Variants in EXOC2 observed in about 807,000 individuals in gnomAD.
EXOC2 encodes the protein SEC5-like 1.
Under a neutral mutation model 131.8 loss-of-function variants are expected in EXOC2, and 70 were observed. The observed-to-expected ratio is 0.53, with a 90% CI of 0.44 to 0.65. The LOEUF is 0.65. Among genes scored for constraint, EXOC2 ranks in the 30% least tolerant of loss-of-function variants. The probability of loss-of-function intolerance (pLI) is 0.00; values close to 1 mark genes in which losing one functional copy is unlikely to be tolerated. For missense variants in EXOC2, 923 were observed against 1,108.6 expected, an observed-to-expected ratio of 0.83 and a Z score of 2.38; for synonymous variants, 411 against 398.4, an observed-to-expected ratio of 1.03 and a Z score of -0.38.
intron 1 of EXOC2, among the ~76,000 whole-genome samples, chr6:671,176 G>A (rs1763846431): frequency 6.6e-6 from 1 of 151,598 alleles, no homozygotes; most frequent in African/African-American, 2.4e-5. Context: ...GGCCAACATG[G>A]CAAAATCCCG....
In EXOC2 at chr6:555,955, T is replaced by C; in HGVS notation, c.1991A>G (p.Gln664Arg). Residue 664 changes from glutamine to arginine, a missense_variant and splice_region_variant, in exon 19 of 28, where the codon CAG becomes CGG. Transcript: ENST00000230449. ...EVCQLSINIM[Q>R]VFIYCLEQLS... ...AGCATTACTGCTTTCTATTATTACC[T>C]GCATTATATTGATGCTTAGCTGGCA... The C allele has an allele frequency of 6.2e-7, 1 of 1,613,874 alleles. No homozygotes were observed.
At chr6:684,533 TATAG>T (rs1764555707) in intron 1 of EXOC2, among the ~76,000 whole-genome samples, 1 of 152,352 alleles carries the variant, frequency 6.6e-6, no homozygotes, top group East Asian at 1.9e-4. Context: ...ACATTTTCCT[TATAG>T]ATATACTATA....
rs550410847 is a variant in EXOC2, at chr6:500,558, T to G, written c.2381-858A>C. On this transcript the variant is annotated intron_variant, in intron 23 of 27. Coordinates refer to ENST00000230449, the MANE Select transcript of EXOC2 (RefSeq NM_018303.6). ...GGGCTGCAGTGAGGATGAAGGGGGA[T>G]GCATGCCATAGGTCCTGGCATTCAC... Among the ~76,000 whole-genome samples the G allele has an allele frequency of 2.0e-5, 3 of 152,326 alleles. No homozygotes were observed. The South Asian group carries it at 6.2e-4, about 32-fold the overall frequency.
chr6:588,029 G>A (rs549069381), intron 11 of EXOC2, among the ~76,000 whole-genome samples: 1 of 152,136 alleles, frequency 6.6e-6, no homozygotes, highest in Non-Finnish European at 1.5e-5. Flanking sequence ...GCTATGAGTT[G>A]GTAACTGCTG....
At chr6:645,072 T>A (rs1380463095) in intron 1 of EXOC2, among the ~76,000 whole-genome samples, 1 of 152,160 alleles carries the variant, frequency 6.6e-6, no homozygotes, top group African/African-American at 2.4e-5. Flanking sequence ...ATTACAAATC[T>A]ACAGTAATCA....
intron 1 of EXOC2, among the ~76,000 whole-genome samples, chr6:645,203 T>C (rs1036267012): frequency 6.7e-6 from 1 of 149,540 alleles, no homozygotes; most frequent in Non-Finnish European, 1.5e-5. Flanking sequence ...ATGGGAAAAA[T>C]ATTTTAATGG....
rs1352058417 is a variant in EXOC2 at position 485,413 on chromosome 6, G to GGCTA, written c.*1254_*1257dup. On this transcript the variant is annotated 3_prime_UTR_variant, in exon 28 of 28. Coordinates refer to ENST00000230449, the MANE Select transcript of EXOC2 (RefSeq NM_018303.6). The stretch of plus-strand genomic sequence containing the variant: ...ATTTTAAATAATGGAAACTGTACAT[G>GGCTA]GCTACACTGTGCTCTAAAATTACTT... The GGCTA allele has an allele frequency of 6.6e-6, 1 of 152,088 alleles. No homozygotes were observed. Among genetic ancestry groups the GGCTA allele is most frequent in the Non-Finnish European group, 1.5e-5 (1 of 68,026 alleles). 9.4% of individuals were successfully genotyped at this position (152,088 alleles called of 1,614,324 possible). A position where few individuals can be genotyped will look rare whatever the true frequency, so the allele number is the denominator to read the frequency against.
chr6:563,115 G>C (rs532363960), intron 16 of EXOC2, among the ~76,000 whole-genome samples: 1 of 152,324 alleles, frequency 6.6e-6, no homozygotes, highest in Admixed American at 6.5e-5. Context: ...ATGACAACTT[G>C]AGACAATCAT....
At position 621,722 on chromosome 6, in the gene EXOC2, G is replaced by A. The variant is rs1050421564; in HGVS notation, c.423-2179C>T. Among the ~76,000 whole-genome samples, 4 of 152,110 alleles carry A rather than the reference G, an allele frequency of 2.6e-5. No homozygotes were observed. The South Asian group carries it at 6.2e-4, about 24-fold the overall frequency. ...AAAGATTTATAGTCTGAATCCTCCC[G>A]ATACATGCATGTGGCATTCATTACT... On this transcript the variant is annotated intron_variant, in intron 4 of 27. Transcript: ENST00000230449.
intron 1 of EXOC2, among the ~76,000 whole-genome samples, chr6:678,353 A>C (rs1764247826): frequency 2.6e-5 from 4 of 152,224 alleles, no homozygotes; most frequent in Admixed American, 6.5e-5. Flanking sequence ...TCCTGTAAGG[A>C]TTAAATGGAA....
Position 485,698 on chromosome 6 carries a change from CAAGG to C in EXOC2, c.*969_*972del, listed in dbSNP as rs1763005985. Reference sequence around the variant, plus strand: ...TCTACAGCTCCCATTGCCTGGTGACCAAGGAGCATCCTGAAGTTTCAGAGAAGAG... The same window carrying C: ...TCTACAGCTCCCATTGCCTGGTGACCAGCATCCTGAAGTTTCAGAGAAGAG... On this transcript the variant is annotated 3_prime_UTR_variant, in exon 28 of 28. Transcript: ENST00000230449. 6.6e-6 allele frequency: 1 copy of C among 152,242 alleles called. No individual in the cohort carries two copies. Among genetic ancestry groups the C allele is most frequent in the African/African-American group, 2.4e-5 (1 of 41,442 alleles). 9.4% of individuals were successfully genotyped at this position (152,242 alleles called of 1,614,324 possible).
intron 1 of EXOC2, among the ~76,000 whole-genome samples, chr6:655,301 T>C (rs1763022158): frequency 1.3e-5 from 2 of 152,248 alleles, no homozygotes; most frequent in African/African-American, 4.8e-5. Context: ...CAGCATTTTT[T>C]ACCAATGAAG....
chr6:520,708 G>A (rs1363261333), intron 23 of EXOC2, among the ~76,000 whole-genome samples: 1 of 123,256 alleles, frequency 8.1e-6, no homozygotes, highest in Non-Finnish European at 1.6e-5. Flanking sequence ...GTCCACACTC[G>A]GAGACGAAAA....
At position 659,532 on chromosome 6, in the gene EXOC2, CTG is replaced by C. The variant is rs967953243; in HGVS notation, c.-43-21673_-43-21672del. The stretch of plus-strand genomic sequence containing the variant: ...CAGGACCTGGGAGACACTCCAAATA[CTG>C]TGAGTGCCCCAACTGTGGAAGTGGG... On this transcript the variant is annotated intron_variant, in intron 1 of 27. Transcript: ENST00000230449. 1.0e-3 allele frequency among the ~76,000 whole-genome samples: 153 copies of C among 152,350 alleles called. 1 individual carries two copies. Among genetic ancestry groups the C allele is most frequent in the African/African-American group, 3.4e-3 (143 of 41,580 alleles).
intron 9 of EXOC2, among the ~76,000 whole-genome samples, 193 bp downstream of exon 9, chr6:598,667 G>A (rs1759957459): frequency 1.3e-5 from 2 of 152,180 alleles, no homozygotes; most frequent in Non-Finnish European, 2.9e-5. Flanking sequence ...ACCTAGAGTC[G>A]TGGTTGCTCA....
At position 579,111 on chromosome 6, in the gene EXOC2, A is replaced by G. The variant is rs904336719; in HGVS notation, c.1193-2229T>C. Among the ~76,000 whole-genome samples, 8 of 152,164 alleles carry G rather than the reference A, an allele frequency of 5.3e-5. 1 individual carries two copies. The highest frequency in any genetic ancestry group is 1.9e-4 in the African/African-American group (8 of 41,456). ...CTCTTGAAGGTTTTTAGGACTATGAATTTATGATTAAGAAGGAAAACACTT... is the reference window on the plus strand; with the variant it reads ...CTCTTGAAGGTTTTTAGGACTATGAGTTTATGATTAAGAAGGAAAACACTT... On this transcript the variant is annotated intron_variant, in intron 11 of 27. Coordinates refer to ENST00000230449, the MANE Select transcript of EXOC2 (RefSeq NM_018303.6).
chr6:529,119 C>CG (rs1049739519), intron 23 of EXOC2, among the ~76,000 whole-genome samples: 85 of 148,216 alleles, frequency 5.7e-4, no homozygotes, highest in Admixed American at 1.1e-3. Context: ...GCCTTTTACC[C>CG]CCCCCCGCGC....
At chr6:499,185 C>G (rs574422752) in intron 24 of EXOC2, among the ~76,000 whole-genome samples, 13 of 152,172 alleles carry the variant, frequency 8.5e-5, no homozygotes, top group Non-Finnish European at 1.5e-4. Context: ...CAGTGTCGGC[C>G]TGCCCCGAGT....
chr6:497,253 A>C, intron 25 of EXOC2, 114 bp downstream of exon 25: 1 of 894,424 alleles, frequency 1.1e-6, no homozygotes, highest in Non-Finnish European at 1.7e-6. Flanking sequence ...GAACTTCTTC[A>C]ATCAGTAGAT....
Sources: allele counts gnomAD v4.1 joint callset (sites outside exome capture counted in the v4.1 genomes callset), GRCh38; gene constraint gnomAD v4.1.1; transcripts MANE v1.5; gene names NCBI Gene and HGNC (gene_info 2026-07-23, HGNC 2026-07-21).